Variants in IL17REL observed in about 807,000 individuals in gnomAD.
IL17REL encodes interleukin 17 receptor E like.
A neutral mutation model predicts 49.0 loss-of-function variants in IL17REL; 36 were observed. That is an observed-to-expected ratio of 0.73 (90% CI 0.56 to 0.97). IL17REL has a LOEUF of 0.97. Ranked by LOEUF, IL17REL falls within the 50% of genes least tolerant of loss-of-function variation. The pLI is 0.00. For missense variants in IL17REL, 470 were observed against 453.9 expected, an observed-to-expected ratio of 1.04 and a Z score of -0.32; for synonymous variants, 206 against 192.4, an observed-to-expected ratio of 1.07 and a Z score of -0.58.
At chr22:49,996,578 C>T (rs756905514) in exon 13 of IL17REL, 8 of 157,748 alleles carry the variant, frequency 5.1e-5, no homozygotes, top group Middle Eastern at 2.9e-3. Flanking sequence ...CCAGGGTGGG[C>T]GTGCGGGAGG....
intron 7 of IL17REL, 128 bp from the exon 10 acceptor site, chr22:49,998,437 C>A: frequency 2.3e-6 from 2 of 857,678 alleles, no homozygotes; most frequent in Non-Finnish European, 3.5e-6. Context: ...TCTCTGAGCC[C>A]TGGCTCAAGG....
chr22:49,999,543 G>A (rs769837809), intron 5 of IL17REL, 41 bp from the exon 8 acceptor site: 3 of 1,523,316 alleles, frequency 2.0e-6, no homozygotes, highest in Non-Finnish European at 1.8e-6. Flanking sequence ...GCGCGGGAGG[G>A]CGGGGGTGGT....
At chr22:50,005,761 C>T (rs999996628) in intron 1 of IL17REL, among the ~76,000 whole-genome samples, 1 of 151,830 alleles carries the variant, frequency 6.6e-6, no homozygotes, top group Non-Finnish European at 1.5e-5. Flanking sequence ...GCCGAGATTG[C>T]GCCACTGTAC....
chr22:50,010,603 C>T (rs1022555415), upstream of IL17REL, among the ~76,000 whole-genome samples: 3 of 152,198 alleles, frequency 2.0e-5, no homozygotes, highest in Admixed American at 6.5e-5. Flanking sequence ...GCTCGGAGGC[C>T]GGGGTGGGCT....
chr22:50,005,539 C>T (rs1043816429), intron 1 of IL17REL, among the ~76,000 whole-genome samples: 1 of 152,116 alleles, frequency 6.6e-6, no homozygotes, highest in African/African-American at 2.4e-5. Context: ...CGGTGGCTCA[C>T]GCCTGTAATC....
At chr22:50,001,299 T>C in intron 1 of IL17REL, 68 bp from the exon 3 acceptor site, 1 of 696,456 alleles carries the variant, frequency 1.4e-6, no homozygotes, top group African/African-American at 1.9e-5. Context: ...TGGGTGGTTC[T>C]GGGAAGGGGG....
At chr22:50,002,354 T>C (rs1017511325) in intron 1 of IL17REL, among the ~76,000 whole-genome samples, 1 of 152,210 alleles carries the variant, frequency 6.6e-6, no homozygotes, top group Non-Finnish European at 1.5e-5. Context: ...TTGCTTTACT[T>C]GTGTGTTTTG....
rs986187241 is a variant in IL17REL, at chr22:49,997,303, C to T, written c.974+17G>A. 6.2e-7 allele frequency: 1 copy of T among 1,609,616 alleles called. No homozygotes were observed. The highest frequency in any genetic ancestry group is 1.1e-5 in the South Asian group (1 of 90,774). ...ACCCCCACCTCCCCAGGATGGAGCC[C>T]CACTCTCTCGGCTCACTGAGGCTGA... On this transcript the variant is annotated intron_variant, in intron 11 of 12. Coordinates refer to ENST00000341280, the Ensembl canonical transcript of IL17REL.
At chr22:50,008,941 G>A (rs2061124216), upstream of IL17REL, 1 of 152,262 alleles carries the variant, frequency 6.6e-6, no homozygotes, top group South Asian at 2.1e-4. Context: ...GCTCGCTTAG[G>A]TGCTGGGATT....
intron 3 of IL17REL, 28 bp downstream of exon 4, chr22:50,000,726 G>C (rs1339102863): frequency 6.4e-7 from 1 of 1,557,022 alleles, no homozygotes; most frequent in Non-Finnish European, 8.7e-7. Context: ...TTCGGGACTT[G>C]GGTGGCAGAG....
chr22:50,008,491 T>TA (rs1569212814), intron 1 of IL17REL, 146 bp downstream of exon 2: 1 of 152,176 alleles, frequency 6.6e-6, no homozygotes, highest in African/African-American at 2.4e-5. Context: ...CGGTGAGTGA[T>TA]AGAGGTTTGC....
intron 1 of IL17REL, among the ~76,000 whole-genome samples, chr22:50,002,993 C>T (rs2061087561): frequency 6.6e-6 from 1 of 152,194 alleles, no homozygotes; most frequent in Non-Finnish European, 1.5e-5. Flanking sequence ...GAATGCGCCA[C>T]TGTCTGGGGA....
rs200528585 is a variant in IL17REL at position 49,997,714 on chromosome 22, C to T, written c.848G>A (p.Arg283Gln). 2.8e-4 allele frequency: 445 copies of T among 1,613,788 alleles called. No individual in the cohort carries two copies. Among genetic ancestry groups the T allele is most frequent in the Non-Finnish European group, 3.2e-4 (380 of 1,179,988 alleles). Residue 283 changes from arginine to glutamine, a missense_variant, in exon 10 of 13, where the codon CGG (arginine) becomes CAG (glutamine). Coordinates refer to ENST00000341280, the Ensembl canonical transcript of IL17REL. ...GAAGCGACGCTGTTCGAAAGGGCAC[C>T]GCACCCAGGACCCCCAACTGGTAGA...
intron 1 of IL17REL, among the ~76,000 whole-genome samples, chr22:50,001,683 C>T (rs2061081198): frequency 6.6e-6 from 1 of 152,266 alleles, no homozygotes; most frequent in Non-Finnish European, 1.5e-5. Context: ...GCCGCATCCT[C>T]ACAGGGAGGA....
chr22:49,993,489 C>T (rs1245602284), downstream of IL17REL, among the ~76,000 whole-genome samples: 1 of 152,128 alleles, frequency 6.6e-6, no homozygotes, highest in Non-Finnish European at 1.5e-5. The surrounding 1 kb of genome is among the most constrained non-coding windows in gnomAD (Gnocchi z 6.0). Context: ...GTGGGCGCTC[C>T]GTGTTGGGTG....
chr22:50,010,742 G>T (rs553279762), upstream of IL17REL, among the ~76,000 whole-genome samples: 188 of 152,074 alleles, frequency 1.2e-3, 1 homozygote, highest in African/African-American at 4.3e-3. Flanking sequence ...AACGTCGCGC[G>T]GTTCTGCCCC....
chr22:50,003,747 A>T (rs1395867067), intron 1 of IL17REL, among the ~76,000 whole-genome samples: 2 of 152,152 alleles, frequency 1.3e-5, no homozygotes, highest in African/African-American at 4.8e-5. Context: ...ATCTGTGAAA[A>T]ATCTATATGT....
At position 49,999,801 on chromosome 22, in the gene IL17REL, A is replaced by ACCGGGGC. The variant is rs779252141; in HGVS notation, c.474+20_474+26dup. 4.6e-5 allele frequency: 68 copies of ACCGGGGC among 1,476,292 alleles called. No homozygotes were observed. The African/African-American group carries it at 7.5e-4, about 16-fold the overall frequency. The allele number at this position is 1,476,292 out of a possible 1,614,324, so 91.4% of individuals were successfully genotyped here. A position where few individuals can be genotyped will look rare whatever the true frequency, so the allele number is the denominator to read the frequency against. ...CGGAGGTGGGCGGGGCCTAAGGCTG[A>ACCGGGGC]CCGGGGCCCGGGGCGCGGGCGCTCA... On this transcript the variant is annotated intron_variant, in intron 5 of 12. Transcript: ENST00000341280.
At position 50,001,108 on chromosome 22, in the gene IL17REL, C is replaced by T. The variant is rs754560571; in HGVS notation, c.83G>A (p.Arg28His). 1.1e-5 allele frequency: 17 copies of T among 1,597,978 alleles called. No individual in the cohort carries two copies. The African/African-American group carries it at 1.1e-4, about 10-fold the overall frequency. Residue 28 changes from arginine (R) to histidine (H), a missense_variant, in exon 2 of 13, where the codon CGT (arginine) becomes CAT (histidine). Transcript: ENST00000341280. ...ATGCAGGGTGATGGAGGCGCGTACA[C>T]GCAGGAGCATCGCGCAGCCGTCAGA...
Sources: gnomAD v4.1 joint callset for allele counts (sites outside exome capture counted in the v4.1 genomes callset) on GRCh38, gnomAD v4.1.1 for gene constraint, Gnocchi (gnomAD v3.1) non-coding constraint, MANE v1.5 for transcripts, NCBI Gene and HGNC (gene_info 2026-07-23, HGNC 2026-07-21) for gene names.